Variants in PLCL2 observed in about 807,000 individuals in gnomAD.
PLCL2 encodes phospholipase C like 2, also known as inactive phospholipase C-like protein 2.
In PLCL2, 4 loss-of-function variants were observed where a neutral mutation model predicts 79.6. The observed-to-expected ratio is 0.05, with a 90% CI of 0.02 to 0.11. The LOEUF is 0.11. PLCL2 is among the 10% of genes least tolerant of loss of function. PLCL2 has a pLI of 1.00. For missense variants in PLCL2, 895 were observed against 1,291.0 expected (o/e 0.69, Z 4.70); for synonymous variants, 484 against 457.7 (o/e 1.06, Z -0.73).
intron 3 of PLCL2, among the ~76,000 whole-genome samples, chr3:17,032,475 A>AT (rs1200048249): frequency 6.6e-6 from 1 of 151,630 alleles, no homozygotes; most frequent in Non-Finnish European, 1.5e-5. Context: ...GATTTTGTCG[A>AT]TTTTTTTTCT....
intron 4 of PLCL2, among the ~76,000 whole-genome samples, chr3:17,055,539 A>G (rs2064883640): frequency 6.6e-6 from 1 of 152,150 alleles, no homozygotes; most frequent in South Asian, 2.1e-4. Flanking sequence ...AGATTCCCAC[A>G]TCATATATTC....
chr3:17,047,381 A>AGCGCCGTTCCTCTTCTG (rs11267261), intron 4 of PLCL2, among the ~76,000 whole-genome samples: 38 of 151,988 alleles, frequency 2.5e-4, no homozygotes, highest in African/African-American at 8.7e-4. Context: ...GGAGGATGAG[A>AGCGCCGTTCCTCTTCTG]GCAGGAGAAT....
At chr3:17,038,911 CAG>C (rs2064688935) in intron 3 of PLCL2, among the ~76,000 whole-genome samples, 1 of 152,176 alleles carries the variant, frequency 6.6e-6, no homozygotes, top group East Asian at 1.9e-4. Context: ...CAAGACCAAA[CAG>C]AATACCAGTT....
chr3:17,011,249 G>A lies in PLCL2; in HGVS notation c.1903G>A (p.Val635Met), dbSNP rs17857109. 1.2e-6 allele frequency: 2 copies of A among 1,614,084 alleles called. No individual in the cohort carries two copies. The highest frequency in any genetic ancestry group is 1.3e-5 in the African/African-American group (1 of 74,932). ...CKSVQFKEFQ[V>M]SFQVQKYWEV... ...ATCAGTTCAGTTCAAAGAATTTCAG[G>A]TGTCGTTTCAGGTTCAGAAGTACTG... is the stretch of plus-strand genomic sequence containing the variant. Residue 635 changes from valine (V) to methionine (M), a missense_variant, in exon 2 of 6, where the codon GTG (valine) becomes ATG (methionine). Physicochemically the swap from Val to Met is conservative, Grantham distance 21. Around this residue, in one of 6 missense-constraint regions of PLCL2, gnomAD observed 242 missense variants for 399.5 expected, o/e 0.61. Transcript: ENST00000615277. This position sits in a 1 kb window ranked among gnomAD's most constrained non-coding sequence, Gnocchi z 7.9.
At chr3:17,081,722 G>A (rs898236359) in intron 5 of PLCL2, among the ~76,000 whole-genome samples, 1 of 152,102 alleles carries the variant, frequency 6.6e-6, no homozygotes, top group Non-Finnish European at 1.5e-5. Context: ...TGGCTGCTCT[G>A]GCCTCTGATC....
Position 17,029,449 on chromosome 3 carries a change from T to C in PLCL2, c.3019-13425T>C, listed in dbSNP as rs142114700. Among the ~76,000 whole-genome samples, 25 of 151,988 alleles carry C rather than the reference T, an allele frequency of 1.6e-4. 1 individual carries two copies. The East Asian group carries it at 4.9e-3, about 30-fold the overall frequency. On this transcript the variant is annotated intron_variant, in intron 3 of 5. Transcript: ENST00000615277. ...GGGCCCCTAGTTATTCACCTGGCTATGATAGGAGAGAAACCTGGTTCAGTT... is the reference window on the plus strand; with the variant it reads ...GGGCCCCTAGTTATTCACCTGGCTACGATAGGAGAGAAACCTGGTTCAGTT...
chr3:17,089,742 G>A lies in PLCL2; in HGVS notation c.3214G>A (p.Asp1072Asn). 1 of 1,600,572 alleles carries A rather than the reference G, an allele frequency of 6.2e-7. No individual in the cohort carries two copies. Among genetic ancestry groups the A allele is most frequent in the Non-Finnish European group, 8.6e-7 (1 of 1,168,774 alleles). ...GCATGTTTTGTTATAGGGACAAGCA[G>A]ATCTTTTGAAATATGCTAAGAATGA... ...WNITILKGQA[D>N]LLKYAKNETL... is the part of the protein sequence containing the mutation. The change falls in exon 6 of 6, where the codon GAT (aspartate) becomes AAT (asparagine). Residue 1072 changes from aspartate (D) to asparagine (N), a missense_variant. Physicochemically the swap from Asp to Asn is conservative, Grantham distance 23 (BLOSUM62 1). Around this residue, in one of 6 missense-constraint regions of PLCL2, gnomAD observed 298 missense variants for 459.6 expected, o/e 0.65. Coordinates refer to ENST00000615277, the MANE Select transcript of PLCL2 (RefSeq NM_001144382.2).
intron 4 of PLCL2, among the ~76,000 whole-genome samples, chr3:17,057,561 A>G (rs1034936044): frequency 5.3e-5 from 8 of 152,240 alleles, no homozygotes; most frequent in Non-Finnish European, 8.8e-5. Flanking sequence ...GGAAATAGCT[A>G]GTAAGTTGTC....
chr3:16,927,575 GT>G (rs1697285545), intron 1 of PLCL2, among the ~76,000 whole-genome samples: 1 of 152,218 alleles, frequency 6.6e-6, no homozygotes, highest in African/African-American at 2.4e-5. Flanking sequence ...GGTTGTAAAG[GT>G]TGGTCTAGCA....
At chr3:17,016,176 T>G (rs1447836632) in intron 3 of PLCL2, among the ~76,000 whole-genome samples, 1 of 152,228 alleles carries the variant, frequency 6.6e-6, no homozygotes, top group East Asian at 1.9e-4. Flanking sequence ...TGGAATACTA[T>G]TTCTAAAAAC....
Position 17,010,422 on chromosome 3 carries a change from A to G in PLCL2, c.1076A>G (p.Asp359Gly), listed in dbSNP as rs1337254955. The G allele has an allele frequency of 6.2e-7, 1 of 1,613,248 alleles. No individual in the cohort carries two copies. The highest frequency in any genetic ancestry group is 8.5e-7 in the Non-Finnish European group (1 of 1,179,282). Residue 359 changes from aspartate (D) to glycine (G), a missense_variant, in exon 2 of 6, where the codon GAT becomes GGT. Coordinates refer to ENST00000615277, the MANE Select transcript of PLCL2 (RefSeq NM_001144382.2). The surrounding 1 kb of genome is among the most constrained non-coding windows in gnomAD (Gnocchi z 5.8). ...TTTTCAAGCAATAAAGAATTCCTTG[A>G]TACCAAGGACCTTATGATGTTTCTT... ...VQFSSNKEFL[D>G]TKDLMMFLEA... is the part of the protein sequence containing the mutation.
chr3:16,982,070 G>A (rs1000720703), intron 1 of PLCL2, among the ~76,000 whole-genome samples: 4 of 152,170 alleles, frequency 2.6e-5, no homozygotes, highest in Non-Finnish European at 5.9e-5. Context: ...TGGAAGTGGT[G>A]CAAAGGAGGA....
intron 1 of PLCL2, among the ~76,000 whole-genome samples, chr3:16,921,174 G>T (rs1697116833): frequency 6.6e-6 from 1 of 152,214 alleles, no homozygotes; most frequent in East Asian, 1.9e-4. Context: ...ATGCTACATG[G>T]TAGGGAGAGA....
chr3:16,885,509 A>T (rs1696198701), intron 1 of PLCL2, 143 bp downstream of exon 1: 2 of 482,712 alleles, frequency 4.1e-6, no homozygotes, highest in East Asian at 7.1e-5. Context: ...TTGAGCGGGG[A>T]TTGGATGCAA....
At chr3:17,087,336 T>G (rs1033430224) in intron 5 of PLCL2, among the ~76,000 whole-genome samples, 1 of 152,186 alleles carries the variant, frequency 6.6e-6, no homozygotes, top group African/African-American at 2.4e-5. Context: ...TAAAAAGATA[T>G]GAGCTATCAA....
Position 17,065,710 on chromosome 3 carries a change from AC to A in PLCL2, c.3095-2245del, listed in dbSNP as rs201226279. Among the ~76,000 whole-genome samples the A allele has an allele frequency of 5.0e-3, 762 of 152,334 alleles. 6 individuals carry two copies. Among genetic ancestry groups the A allele is most frequent in the African/African-American group, 0.017 (699 of 41,586 alleles). ...CATAAAAAATCATTGCGAAGAGCCCACATCCAGTCAAGCAGTTGTAATATGT... is the reference window on the plus strand; with the variant it reads ...CATAAAAAATCATTGCGAAGAGCCCAATCCAGTCAAGCAGTTGTAATATGT... On this transcript the variant is annotated intron_variant, in intron 4 of 5. Transcript: ENST00000615277.
rs561791598 is a variant in PLCL2 at position 17,045,385 on chromosome 3, G to T, written c.3094+2436G>T. On this transcript the variant is annotated intron_variant, in intron 4 of 5. Transcript: ENST00000615277. ...TTAAAAAATGTCCCCAGTTCAGAAG[G>T]GTTCAGGCTCTTGGCTGTGTAATCT... Among the ~76,000 whole-genome samples the T allele has an allele frequency of 7.2e-5, 11 of 152,308 alleles. No individual in the cohort carries two copies. The South Asian group carries it at 2.3e-3, about 32-fold the overall frequency.
intron 1 of PLCL2, among the ~76,000 whole-genome samples, chr3:16,994,274 G>A (rs1438438488): frequency 6.6e-6 from 1 of 152,160 alleles, no homozygotes; most frequent in Non-Finnish European, 1.5e-5. Flanking sequence ...ACTCTATTTT[G>A]CAAATGCTTT....
At chr3:17,077,545 C>T (rs2065119871) in intron 5 of PLCL2, among the ~76,000 whole-genome samples, 1 of 152,176 alleles carries the variant, frequency 6.6e-6, no homozygotes, top group Non-Finnish European at 1.5e-5. Flanking sequence ...AATGCATTTT[C>T]AATCCACCAG....
Sources: allele counts gnomAD v4.1 joint callset (sites outside exome capture counted in the v4.1 genomes callset), GRCh38; gene constraint gnomAD v4.1.1; regional missense constraint gnomAD v4.1.1; non-coding constraint Gnocchi (gnomAD v3.1); transcripts MANE v1.5; gene names NCBI Gene and HGNC (gene_info 2026-07-23, HGNC 2026-07-21).